RSRP1: variants seen among roughly 807,000 people sequenced by gnomAD.
RSRP1 encodes the protein arginine and serine rich protein 1.
Under a neutral mutation model 33.0 loss-of-function variants are expected in RSRP1, and 37 were observed. That is an observed-to-expected ratio of 1.12 (90% CI 0.86 to 1.48). The LOEUF (loss-of-function observed/expected upper bound fraction) is 1.48, where lower values mean the gene tolerates loss of function less well. RSRP1 is among the 40% of genes most tolerant of loss of function. RSRP1 has a pLI of 0.00. For missense variants in RSRP1, 402 were observed against 385.3 expected (o/e 1.04, Z -0.36); for synonymous variants, 167 against 158.7 (o/e 1.05, Z -0.40).
Position 25,246,923 on chromosome 1 carries a change from T to G in RSRP1, c.41A>C (p.Gln14Pro), listed in dbSNP as rs770064137. The change falls in exon 2 of 5, where the codon CAG (glutamine) becomes CCG (proline). Residue 14 changes from glutamine to proline, a missense_variant. By Grantham distance (76) the Gln-to-Pro change is moderately conservative. Coordinates refer to ENST00000243189, the MANE Select transcript of RSRP1 (RefSeq NM_020317.5). ...CGAGGTCGAGGGCGAATCCTTCTCC[T>G]GCGGCGAGCCCGGCCACATGTCGTT... Reference protein sequence around the residue: ...YVNDMWPGSPQEKDSPSTSRS... With the variant: ...YVNDMWPGSPPEKDSPSTSRS... 8 of 1,593,716 alleles carry G rather than the reference T, an allele frequency of 5.0e-6. No homozygotes were observed. Among genetic ancestry groups the G allele is most frequent in the Non-Finnish European group, 6.9e-6 (8 of 1,166,776 alleles).
rs752578962 is a variant in RSRP1 at position 25,314,312 on chromosome 1, ATAAC to A, written c.-67+23662_-67+23665del. 1.5e-4 allele frequency among the ~76,000 whole-genome samples: 20 copies of A among 132,904 alleles called. 6 individuals carry two copies. The highest frequency in any genetic ancestry group is 4.4e-4 in the Admixed American group (6 of 13,670). The allele number at this position is 132,904 out of a possible 152,430, so 87.2% of individuals were successfully genotyped here. A position where few individuals can be genotyped will look rare whatever the true frequency, so the allele number is the denominator to read the frequency against. ...TATTGTTTACATTTTGATATCTCCA[ATAAC>A]TAACTAAATGGAGCACTTTTAATAT... On this transcript the variant is annotated intron_variant, in intron 1 of 1. Transcript: ENST00000561867.
intron 3 of RSRP1, chr1:25,244,385 C>T: frequency 7.8e-7 from 1 of 1,289,316 alleles, no homozygotes; most frequent in South Asian, 1.2e-5. Context: ...AACAAAAAAA[C>T]TAAGTTTTCA....
In RSRP1 at chr1:25,312,514, G is replaced by T. The variant is rs1644199717; in HGVS notation, c.-67+25464C>A. On this transcript the variant is annotated intron_variant, in intron 1 of 1. Coordinates refer to the RSRP1 transcript ENST00000561867. ...AATCCCAGTGATTTGGGAGGTTGAG[G>T]TGGGAGGATTGCTTGAGCCCAGGAG... Among the ~76,000 whole-genome samples, 3 of 130,628 alleles carry T rather than the reference G, an allele frequency of 2.3e-5. 1 individual carries two copies. The highest frequency in any genetic ancestry group is 5.4e-5 in the Non-Finnish European group (3 of 55,246). 85.7% of individuals were successfully genotyped at this position (130,628 alleles called of 152,430 possible).
chr1:25,255,998 A>G (rs539893056), intron 1 of RSRP1, among the ~76,000 whole-genome samples: 1 of 152,276 alleles, frequency 6.6e-6, no homozygotes, highest in South Asian at 2.1e-4. Context: ...ACCACCTTCC[A>G]TTGGCAAAGG....
At chr1:25,254,626 G>C (rs1639892712) in intron 1 of RSRP1, among the ~76,000 whole-genome samples, 1 of 152,050 alleles carries the variant, frequency 6.6e-6, no homozygotes, top group Non-Finnish European at 1.5e-5. Context: ...AGTAGGGACG[G>C]GGTTTCACCA....
At chr1:25,262,454 T>C (rs1163835402) in intron 1 of RSRP1, among the ~76,000 whole-genome samples, 35 of 152,170 alleles carry the variant, frequency 2.3e-4, no homozygotes, top group Non-Finnish European at 1.5e-5. Context: ...CAAACAAAAG[T>C]ATACGTAGTC....
In RSRP1 at chr1:25,320,343, T is replaced by A. The variant is rs185050457; in HGVS notation, c.-67+17635A>T. Among the ~76,000 whole-genome samples, 357 of 131,924 alleles carry A rather than the reference T, an allele frequency of 2.7e-3. 87 individuals carry two copies. Among genetic ancestry groups the A allele is most frequent in the South Asian group, 5.9e-3 (25 of 4,262 alleles). The allele number at this position is 131,924 out of a possible 152,430, so 86.5% of individuals were successfully genotyped here. On this transcript the variant is annotated intron_variant, in intron 1 of 1. Coordinates refer to the RSRP1 transcript ENST00000561867. ...TCCTAGTGATGGTTCTGATTTTTTT[T>A]AAAAAAAGTCTAAATATGTTTAATG...
At position 25,242,848 on chromosome 1, in the gene RSRP1, G is replaced by A. The variant is rs531970062; in HGVS notation, c.757-143C>T. On this transcript the variant is annotated intron_variant, in intron 4 of 4. Transcript: ENST00000243189. ...GCGGTGGCTCACGCCTGTAATCCCAGCACTTTGGAAGGCTGACACGGGCGG... is the reference window on the plus strand; with the variant it reads ...GCGGTGGCTCACGCCTGTAATCCCAACACTTTGGAAGGCTGACACGGGCGG... 2.4e-5 allele frequency: 15 copies of A among 613,322 alleles called. No homozygotes were observed. The East Asian group carries it at 3.4e-4, about 14-fold the overall frequency. 38.0% of individuals were successfully genotyped at this position (613,322 alleles called of 1,614,324 possible).
intron 1 of RSRP1, among the ~76,000 whole-genome samples, chr1:25,287,479 G>T (rs1257975607): frequency 7.4e-6 from 1 of 135,008 alleles, no homozygotes; most frequent in South Asian, 2.2e-4. Flanking sequence ...ACCGGTTCCC[G>T]TCAGGGCTGT....
rs569957352 is a variant in RSRP1, at chr1:25,282,814, G to C, written c.-66-35785C>G. 6.9e-5 allele frequency among the ~76,000 whole-genome samples: 9 copies of C among 129,894 alleles called. 3 individuals are homozygous for C. The South Asian group carries it at 2.1e-3, about 31-fold the overall frequency. The allele number at this position is 129,894 out of a possible 152,430, so 85.2% of individuals were successfully genotyped here. On this transcript the variant is annotated intron_variant, in intron 1 of 1. Coordinates refer to the RSRP1 transcript ENST00000561867. ...GGAGGCTGAAGCACAAGAATCACTT[G>C]AACCCGGGAGGTGGAGGTTGCAGCG...
chr1:25,321,498 TAAAAAAAAAAAA>T (rs1214598540), intron 1 of RSRP1, among the ~76,000 whole-genome samples: 1 of 76,328 alleles, frequency 1.3e-5, no homozygotes, highest in Non-Finnish European at 3.0e-5. Flanking sequence ...CCATCTCTAC[TAAAAAAAAAAAA>T]AAAAAAAAAA....
chr1:25,254,637 T>C (rs374885420), intron 1 of RSRP1, among the ~76,000 whole-genome samples: 94 of 152,244 alleles, frequency 6.2e-4, no homozygotes, highest in African/African-American at 2.2e-3. Context: ...GGTTTCACCA[T>C]GTTGACCAGG....
rs1168130084 is a variant in RSRP1 at position 25,288,898 on chromosome 1, G to A, written c.-66-41869C>T. On this transcript the variant is annotated intron_variant, in intron 1 of 1. Coordinates refer to the RSRP1 transcript ENST00000561867. ...ACCTGTCCAGGCACGATGGAACATTGAGTAACCCCTTATTCTAAATTCCTG... is the reference window on the plus strand; with the variant it reads ...ACCTGTCCAGGCACGATGGAACATTAAGTAACCCCTTATTCTAAATTCCTG... 1.8e-4 allele frequency among the ~76,000 whole-genome samples: 24 copies of A among 131,666 alleles called. 2 individuals are homozygous for A. The highest frequency in any genetic ancestry group is 6.0e-4 in the African/African-American group (23 of 38,200). 86.4% of individuals were successfully genotyped at this position (131,666 alleles called of 152,430 possible). A position where few individuals can be genotyped will look rare whatever the true frequency, so the allele number is the denominator to read the frequency against.
At chr1:25,272,372 T>C in intron 1 of RSRP1, 2 of 861,778 alleles carry the variant, frequency 2.3e-6, no homozygotes, top group East Asian at 2.6e-5. Flanking sequence ...CTCCCCATCA[T>C]AGTCCCTCTG....
In RSRP1 at chr1:25,292,657, G is replaced by T. The variant is rs1448183442; in HGVS notation, c.-67+45321C>A. Among the ~76,000 whole-genome samples the T allele has an allele frequency of 4.6e-5, 6 of 129,546 alleles. 1 individual carries two copies. The highest frequency in any genetic ancestry group is 1.6e-4 in the African/African-American group (6 of 38,102). 85.0% of individuals were successfully genotyped at this position (129,546 alleles called of 152,430 possible). On this transcript the variant is annotated intron_variant, in intron 1 of 1. Coordinates refer to the RSRP1 transcript ENST00000561867. The stretch of plus-strand genomic sequence containing the variant: ...GCGTTAGGGTTAAGGTTGGGGGAGG[G>T]GGGGTAGAGATGTGTATGAAACATC...
At position 25,332,569 on chromosome 1, in the gene RSRP1, C is replaced by T. The variant is rs1361770020; in HGVS notation, c.-67+5409G>A. 8.4e-5 allele frequency among the ~76,000 whole-genome samples: 11 copies of T among 131,436 alleles called. 1 individual carries two copies. Among genetic ancestry groups the T allele is most frequent in the Admixed American group, 7.5e-4 (10 of 13,410 alleles). 86.2% of individuals were successfully genotyped at this position (131,436 alleles called of 152,430 possible). A position where few individuals can be genotyped will look rare whatever the true frequency, so the allele number is the denominator to read the frequency against. On this transcript the variant is annotated intron_variant, in intron 1 of 1. Coordinates refer to the RSRP1 transcript ENST00000561867. Reference sequence around the variant, plus strand: ...CTTGGAGTTCAGGAGTCCCACACTGCGAACCATATTACCTAATAATCCAAC... The same window carrying T: ...CTTGGAGTTCAGGAGTCCCACACTGTGAACCATATTACCTAATAATCCAAC...
Position 25,302,212 on chromosome 1 carries a change from T to C in RSRP1, c.-67+35766A>G, listed in dbSNP as rs1313554646. ...AAAGTGCTTAACGGGGAGTAAATGG[T>C]AGGCAAACATTAGCTGCTGCTATTA... On this transcript the variant is annotated intron_variant, in intron 1 of 1. Transcript: ENST00000561867. Among the ~76,000 whole-genome samples, 15 of 130,826 alleles carry C rather than the reference T, an allele frequency of 1.1e-4. 1 individual carries two copies. The highest frequency in any genetic ancestry group is 2.3e-4 in the Non-Finnish European group (13 of 55,504). The allele number at this position is 130,826 out of a possible 152,430, so 85.8% of individuals were successfully genotyped here.
upstream of RSRP1, among the ~76,000 whole-genome samples, chr1:25,249,682 A>T (rs1639716600): frequency 1.3e-5 from 2 of 152,242 alleles, no homozygotes; most frequent in Non-Finnish European, 2.9e-5. Flanking sequence ...AGTGGGAAAC[A>T]TTACTTTGCC....
chr1:25,303,526 G>A, intron 1 of RSRP1: 1 of 1,328,282 alleles, frequency 7.5e-7, no homozygotes, highest in Non-Finnish European at 1.1e-6. Flanking sequence ...GGACCTGATG[G>A]GCCACTGTGC....
Sources: allele counts gnomAD v4.1 joint callset (sites outside exome capture counted in the v4.1 genomes callset), GRCh38; gene constraint gnomAD v4.1.1; transcripts MANE v1.5; gene names NCBI Gene and HGNC (gene_info 2026-07-23, HGNC 2026-07-21).